The following ARHGAP42 variants were observed in gnomAD, a reference collection of about 807,000 sequenced individuals.
The protein encoded by ARHGAP42 is Rho GTPase activating protein 42.
Under a neutral mutation model 125.0 loss-of-function variants are expected in ARHGAP42, and 63 were observed. That is an observed-to-expected ratio of 0.50 (90% CI 0.41 to 0.62). ARHGAP42 has a LOEUF of 0.62. ARHGAP42 is among the 20% of genes least tolerant of loss of function. ARHGAP42 has a pLI of 0.00. For synonymous variants in ARHGAP42, 339 were observed against 351.0 expected (o/e 0.97, Z 0.38); for missense variants, 766 against 1,024.2 (o/e 0.75, Z 3.44).
At chr11:100,837,666 C>CTATTTTTTTTTTTTTTTTTTTTT (rs1555008871) in intron 3 of ARHGAP42, among the ~76,000 whole-genome samples, 3 of 61,042 alleles carry the variant, frequency 4.9e-5, no homozygotes, top group African/African-American at 2.1e-4. Context: ...AGGTGTCATC[C>CTATTTTTTTTTTTTTTTTTTTTT]TTTTTTTTTT....
intron 3 of ARHGAP42, among the ~76,000 whole-genome samples, chr11:100,805,917 T>C (rs1863976700): frequency 6.6e-6 from 1 of 152,226 alleles, no homozygotes; most frequent in Non-Finnish European, 1.5e-5. Context: ...TACTGCATCC[T>C]GTTTTATCAG....
chr11:100,734,855 G>A (rs1392118463), intron 1 of ARHGAP42, among the ~76,000 whole-genome samples: 2 of 152,174 alleles, frequency 1.3e-5, no homozygotes, highest in Non-Finnish European at 2.9e-5. Flanking sequence ...GGACACACAT[G>A]TGTGCTATGA....
At chr11:100,985,785 A>G (rs1190576342) in intron 22 of ARHGAP42, among the ~76,000 whole-genome samples, 1 of 152,180 alleles carries the variant, frequency 6.6e-6, no homozygotes, top group African/African-American at 2.4e-5. Flanking sequence ...TTTCCTCTCT[A>G]CACCTTCCAA....
In ARHGAP42 at chr11:100,688,279, T is replaced by C. The variant is rs568508557; in HGVS notation, c.154+447T>C. ...AATGTCTCTCATACGTCAGTGGCTC[T>C]TCATTGGACACAGTCATTGAGTTGG... On this transcript the variant is annotated intron_variant, in intron 1 of 23. Transcript: ENST00000298815. Among the ~76,000 whole-genome samples the C allele has an allele frequency of 6.3e-4, 96 of 152,334 alleles. 2 individuals carry two copies. Among genetic ancestry groups the C allele is most frequent in the African/African-American group, 2.2e-3 (90 of 41,570 alleles).
intron 11 of ARHGAP42, 139 bp from the exon 12 acceptor site, chr11:100,949,778 T>A: frequency 2.3e-6 from 1 of 429,930 alleles, no homozygotes; most frequent in Middle Eastern, 3.2e-4. Flanking sequence ...GGTACACAGG[T>A]GGTGCTGTGG....
At chr11:100,909,978 C>G (rs1050183935) in intron 4 of ARHGAP42, among the ~76,000 whole-genome samples, 1 of 152,160 alleles carries the variant, frequency 6.6e-6, no homozygotes, top group African/African-American at 2.4e-5. Flanking sequence ...TAGTTTCCTT[C>G]CATTCCTCAT....
chr11:100,899,510 A>G (rs1866467452), intron 4 of ARHGAP42, among the ~76,000 whole-genome samples: 1 of 152,078 alleles, frequency 6.6e-6, no homozygotes, highest in South Asian at 2.1e-4. Context: ...GACTTGCTTT[A>G]TGAATCTGGG....
Position 100,992,713 on chromosome 11 carries a change from G to C in ARHGAP42, c.*3912G>C. 6.5e-7 allele frequency: 1 copy of C among 1,543,906 alleles called. No individual in the cohort carries two copies. On this transcript the variant is annotated 3_prime_UTR_variant, in exon 24 of 24. Transcript: ENST00000298815. ...TTTATGAATGATGTGGACTTTTAGAGGATCAAATCAATAAATTGGATTTTT... is the reference window on the plus strand; with the variant it reads ...TTTATGAATGATGTGGACTTTTAGACGATCAAATCAATAAATTGGATTTTT...
chr11:100,917,126 A>G (rs1370975532), intron 5 of ARHGAP42, among the ~76,000 whole-genome samples: 1 of 152,104 alleles, frequency 6.6e-6, no homozygotes, highest in Non-Finnish European at 1.5e-5. Context: ...GTAACAAATA[A>G]TAAATAAGCT....
chr11:100,706,391 T>A (rs1367402548), intron 1 of ARHGAP42, among the ~76,000 whole-genome samples: 1 of 152,206 alleles, frequency 6.6e-6, no homozygotes, highest in Non-Finnish European at 1.5e-5. Context: ...TTGGAGAGGC[T>A]GAAGTCTACA....
chr11:100,826,657 A>G (rs574322802), intron 3 of ARHGAP42, among the ~76,000 whole-genome samples: 1 of 152,308 alleles, frequency 6.6e-6, no homozygotes, highest in African/African-American at 2.4e-5. Flanking sequence ...ACCAATTTTA[A>G]GATTACAAGA....
chr11:100,751,872 C>G (rs546511852), intron 1 of ARHGAP42, among the ~76,000 whole-genome samples: 1 of 150,416 alleles, frequency 6.6e-6, no homozygotes, highest in Admixed American at 6.7e-5. Flanking sequence ...CTCTGCCTCC[C>G]AGGTTCAAGC....
intron 4 of ARHGAP42, among the ~76,000 whole-genome samples, chr11:100,897,756 T>C (rs1209130815): frequency 6.6e-6 from 1 of 152,180 alleles, no homozygotes; most frequent in Non-Finnish European, 1.5e-5. Context: ...ACGATGGGGT[T>C]TTCTAAGTAT....
At chr11:100,727,494 G>A (rs112552520) in intron 1 of ARHGAP42, among the ~76,000 whole-genome samples, 3,905 of 152,246 alleles carry the variant, frequency 0.026, 68 homozygotes, top group Non-Finnish European at 0.031. Context: ...GAAAGAGTCC[G>A]CCACAATTAG....
At position 100,709,132 on chromosome 11, in the gene ARHGAP42, T is replaced by G. The variant is rs61910469; in HGVS notation, c.154+21300T>G. Among the ~76,000 whole-genome samples the G allele has an allele frequency of 6.0e-3, 908 of 152,230 alleles. 5 individuals are homozygous for G. The highest frequency in any genetic ancestry group is 7.7e-3 in the Non-Finnish European group (523 of 68,006). ...TTGGCTCACTGCAACCCCTGCCTCC[T>G]GGTTTCAAGCGATTCTCCTGCCTCA... On this transcript the variant is annotated intron_variant, in intron 1 of 23. Coordinates refer to ENST00000298815, the MANE Select transcript of ARHGAP42 (RefSeq NM_152432.4).
chr11:100,812,408 T>A (rs759172955), intron 3 of ARHGAP42, among the ~76,000 whole-genome samples: 14 of 152,224 alleles, frequency 9.2e-5, no homozygotes, highest in Non-Finnish European at 1.6e-4. Flanking sequence ...AATACAACTC[T>A]GGTCAAAAAG....
intron 1 of ARHGAP42, among the ~76,000 whole-genome samples, chr11:100,764,928 T>G (rs1468145441): frequency 6.6e-6 from 1 of 152,268 alleles, no homozygotes; most frequent in Non-Finnish European, 1.5e-5. Context: ...TAATGGGCAG[T>G]TAAAGGCAGA....
chr11:100,864,628 G>A (rs1166433311), intron 4 of ARHGAP42, among the ~76,000 whole-genome samples: 1 of 152,160 alleles, frequency 6.6e-6, no homozygotes, highest in African/African-American at 2.4e-5. Context: ...ATATAGATGT[G>A]TATTATACAG....
chr11:100,935,917 A>G (rs1867725386), intron 7 of ARHGAP42, among the ~76,000 whole-genome samples: 1 of 152,026 alleles, frequency 6.6e-6, no homozygotes, highest in Non-Finnish European at 1.5e-5. Flanking sequence ...AAATTGCTTG[A>G]GCCCGGGAAT....
Sources: allele counts gnomAD v4.1 joint callset (sites outside exome capture counted in the v4.1 genomes callset), GRCh38; gene constraint gnomAD v4.1.1; transcripts MANE v1.5; gene names NCBI Gene and HGNC (gene_info 2026-07-23, HGNC 2026-07-21).